The following XPR1 variants were observed in gnomAD, a reference collection of about 807,000 sequenced individuals.
The protein encoded by XPR1 is xenotropic and polytropic retrovirus receptor 1.
XPR1 carries 28 observed loss-of-function variants against 87.5 expected under a neutral mutation model. The observed-to-expected ratio is 0.32, with a 90% confidence interval of 0.24 to 0.44. The LOEUF (loss-of-function observed/expected upper bound fraction) is 0.44. Among genes scored for constraint, XPR1 ranks in the 20% least tolerant of loss-of-function variants. XPR1 has a pLI of 1.00. For missense variants in XPR1, 559 were observed against 862.3 expected (o/e 0.65, Z 4.41); for synonymous variants, 300 against 306.1 (o/e 0.98, Z 0.21).
In XPR1 at chr1:180,887,264, A is replaced by T. The variant is rs935874163; in HGVS notation, c.*3198A>T. On this transcript the variant is annotated 3_prime_UTR_variant, in exon 15 of 15. Coordinates refer to ENST00000367590, the MANE Select transcript of XPR1 (RefSeq NM_004736.4). ...AAACTTCATTTGATTTTAGGTTTAG[A>T]AATTCTAGTTTTATTTTGGAGAATC... 6.6e-6 allele frequency: 1 copy of T among 152,252 alleles called. No individual in the cohort carries two copies. The highest frequency in any genetic ancestry group is 6.5e-5 in the Admixed American group (1 of 15,286). The allele number at this position is 152,252 out of a possible 1,614,324, so 9.4% of individuals were successfully genotyped here. A position where few individuals can be genotyped will look rare whatever the true frequency, so the allele number is the denominator to read the frequency against.
intron 7 of XPR1, among the ~76,000 whole-genome samples, chr1:180,814,786 G>C (rs1341345880): frequency 2.0e-5 from 3 of 152,144 alleles, no homozygotes; most frequent in African/African-American, 7.2e-5. Flanking sequence ...TTAAATGAGA[G>C]CATCAGGGAA....
intron 2 of XPR1, among the ~76,000 whole-genome samples, chr1:180,750,629 A>G (rs1647495759): frequency 6.6e-6 from 1 of 152,050 alleles, no homozygotes; most frequent in Admixed American, 6.6e-5. Flanking sequence ...CAGGTGCAAC[A>G]TTTGTCTTCA....
intron 11 of XPR1, among the ~76,000 whole-genome samples, chr1:180,855,911 C>T (rs975859596): frequency 6.6e-6 from 1 of 152,144 alleles, no homozygotes; most frequent in Non-Finnish European, 1.5e-5. Flanking sequence ...TCCTCCTGTG[C>T]ACTGCTCTCA....
At chr1:180,697,846 G>C (rs1035590303) in intron 2 of XPR1, among the ~76,000 whole-genome samples, 2 of 152,088 alleles carry the variant, frequency 1.3e-5, no homozygotes, top group Non-Finnish European at 2.9e-5. Flanking sequence ...AAATTCTTGA[G>C]ATTTGTTTTG....
chr1:180,771,030 A>T (rs912579237), intron 2 of XPR1, among the ~76,000 whole-genome samples: 1 of 152,100 alleles, frequency 6.6e-6, no homozygotes, highest in African/African-American at 2.4e-5. Flanking sequence ...TATTACATAC[A>T]TTGATTGTTC....
rs1401312830 is a variant in XPR1 at position 180,880,200 on chromosome 1, A to G, written c.1933A>G (p.Met645Val). The G allele has an allele frequency of 2.5e-6, 4 of 1,614,072 alleles. No individual in the cohort carries two copies. Among genetic ancestry groups the G allele is most frequent in the Non-Finnish European group, 3.4e-6 (4 of 1,180,042 alleles). The change falls in exon 14 of 15, where the codon ATG (methionine) becomes GTG (valine). Residue 645 changes from methionine (M) to valine (V), a missense_variant. Around this residue, in one of 7 missense-constraint regions of XPR1, gnomAD observed 80 missense variants for 99.5 expected, o/e 0.80. Transcript: ENST00000367590. ...AGATGATCAGACTCTCCTAGAACAG[A>G]TGATGGACCAGGATGATGGGGTACG... The part of the protein sequence containing the change: ...NADDQTLLEQ[M>V]MDQDDGVRNR...
chr1:180,836,475 A>T (rs775351374), intron 10 of XPR1, 47 bp from the exon 11 acceptor site: 1 of 1,608,178 alleles, frequency 6.2e-7, no homozygotes, highest in South Asian at 1.1e-5. Context: ...GATGTGAACA[A>T]GTTACTTTTT....
At chr1:180,727,963 G>A (rs1658411890) in intron 2 of XPR1, among the ~76,000 whole-genome samples, 1 of 152,124 alleles carries the variant, frequency 6.6e-6, no homozygotes, top group African/African-American at 2.4e-5. Flanking sequence ...TTATCAGCAA[G>A]GTCTTTATGC....
intron 4 of XPR1, among the ~76,000 whole-genome samples, chr1:180,805,310 G>A (rs112487698): frequency 3.0e-4 from 45 of 152,172 alleles, no homozygotes; most frequent in African/African-American, 1.1e-3. Flanking sequence ...GAGACCTCTG[G>A]TTTAAAGATG....
At chr1:180,681,232 A>T (rs538914915) in intron 1 of XPR1, among the ~76,000 whole-genome samples, 1 of 152,226 alleles carries the variant, frequency 6.6e-6, no homozygotes, top group African/African-American at 2.4e-5. Context: ...ACACAAAAAA[A>T]TTATAGATGT....
intron 2 of XPR1, among the ~76,000 whole-genome samples, chr1:180,693,689 C>T (rs73051257): frequency 0.043 from 6,541 of 152,224 alleles, 499 homozygotes; most frequent in African/African-American, 0.15. Context: ...CTGGTGGTTG[C>T]TGGCTTTCTT....
At chr1:180,728,225 G>A (rs142504007) in intron 2 of XPR1, among the ~76,000 whole-genome samples, 117 of 150,384 alleles carry the variant, frequency 7.8e-4, no homozygotes, top group African/African-American at 2.7e-3. Context: ...AAAAAGTCTT[G>A]GAGACAGAAA....
At chr1:180,762,099 C>T (rs1245173896) in intron 2 of XPR1, among the ~76,000 whole-genome samples, 3 of 133,862 alleles carry the variant, frequency 2.2e-5, no homozygotes, top group Non-Finnish European at 3.1e-5. Flanking sequence ...GGAAGGGGAT[C>T]ATCACACTCT....
At chr1:180,754,559 C>CA (rs2102041830) in intron 2 of XPR1, among the ~76,000 whole-genome samples, 1 of 152,212 alleles carries the variant, frequency 6.6e-6, no homozygotes, top group Non-Finnish European at 1.5e-5. Flanking sequence ...CTCCTGGGCT[C>CA]AATCAATCCG....
At chr1:180,860,175 C>G (rs1652175134) in intron 11 of XPR1, among the ~76,000 whole-genome samples, 1 of 151,856 alleles carries the variant, frequency 6.6e-6, no homozygotes, top group Non-Finnish European at 1.5e-5. Context: ...TACAAAATGT[C>G]TATTAGAGTA....
intron 1 of XPR1, among the ~76,000 whole-genome samples, chr1:180,667,925 G>T (rs1656017261): frequency 6.6e-6 from 1 of 151,946 alleles, no homozygotes; most frequent in Non-Finnish European, 1.5e-5. Flanking sequence ...AGAATCAGTA[G>T]TAATGTCCTT....
intron 11 of XPR1, among the ~76,000 whole-genome samples, chr1:180,846,345 A>T (rs72707405): frequency 1.3e-5 from 2 of 152,092 alleles, no homozygotes; most frequent in Non-Finnish European, 2.9e-5. Flanking sequence ...TTGTTAATAA[A>T]TAAGGAATGT....
In XPR1 at chr1:180,713,697, A is replaced by G. The variant is rs1475757208; in HGVS notation, c.121+31286A>G. 3.9e-5 allele frequency among the ~76,000 whole-genome samples: 6 copies of G among 152,200 alleles called. No homozygotes were observed. In the East Asian group the frequency reaches 1.2e-3, roughly 29 times the overall value. On this transcript the variant is annotated intron_variant, in intron 2 of 14. Transcript: ENST00000367590. Reference sequence around the variant, plus strand: ...AATTACATTGATTTTCACATGTTAAATTGACCCTGCATTCCTAGGAGAAAC... The same window carrying G: ...AATTACATTGATTTTCACATGTTAAGTTGACCCTGCATTCCTAGGAGAAAC...
At chr1:180,853,400 C>G (rs1651930047) in intron 11 of XPR1, among the ~76,000 whole-genome samples, 2 of 151,814 alleles carry the variant, frequency 1.3e-5, no homozygotes, top group South Asian at 2.1e-4. Flanking sequence ...CTATTTGGTT[C>G]TTCTTTGTGT....
Sources: gnomAD v4.1 joint callset for allele counts (sites outside exome capture counted in the v4.1 genomes callset) on GRCh38, gnomAD v4.1.1 for gene constraint, gnomAD v4.1.1 regional missense constraint, MANE v1.5 for transcripts, NCBI Gene and HGNC (gene_info 2026-07-23, HGNC 2026-07-21) for gene names.